Variants in IMMP2L observed in about 807,000 individuals in gnomAD.
IMMP2L encodes mitochondrial inner membrane protease subunit 2.
A neutral mutation model predicts 19.3 loss-of-function variants in IMMP2L; 18 were observed. That is an observed-to-expected ratio of 0.93 (90% CI 0.64 to 1.38). IMMP2L has a LOEUF of 1.38. Ranked by LOEUF, IMMP2L falls within the 40% of genes most tolerant of loss-of-function variation. The pLI is 0.00. For missense variants in IMMP2L, 233 were observed against 218.2 expected (o/e 1.07, Z -0.43); for synonymous variants, 76 against 73.0 (o/e 1.04, Z -0.21).
At chr7:111,321,615 A>G (rs1824729472) in intron 3 of IMMP2L, among the ~76,000 whole-genome samples, 1 of 152,002 alleles carries the variant, frequency 6.6e-6, no homozygotes, top group African/African-American at 2.4e-5. Flanking sequence ...TTAACTGCAA[A>G]TCAAAATTTT....
intron 5 of IMMP2L, among the ~76,000 whole-genome samples, chr7:110,735,328 C>T (rs1305707935): frequency 3.3e-5 from 5 of 152,074 alleles, no homozygotes; most frequent in Non-Finnish European, 7.4e-5. Flanking sequence ...TTTTCCAGGA[C>T]CCCTCTCTGT....
rs1439607268 is a variant in IMMP2L at position 110,727,952 on chromosome 7, T to C, written c.409-64231A>G. 3.3e-5 allele frequency among the ~76,000 whole-genome samples: 5 copies of C among 152,202 alleles called. No homozygotes were observed. In the East Asian group the frequency reaches 9.6e-4, roughly 29 times the overall value. The stretch of plus-strand genomic sequence containing the variant: ...GCTCTGCATTGCATACCCACACACA[T>C]GTAATTCTGCTCACTTCTGTTAACA... On this transcript the variant is annotated intron_variant, in intron 5 of 5. Transcript: ENST00000405709. The surrounding 1 kb of genome is among the most constrained non-coding windows in gnomAD (Gnocchi z 4.3).
intron 4 of IMMP2L, among the ~76,000 whole-genome samples, chr7:110,935,718 C>T (rs1816026889): frequency 6.6e-6 from 1 of 151,962 alleles, no homozygotes; most frequent in Non-Finnish European, 1.5e-5. Context: ...TCATATGGAA[C>T]CAAAAAGGGC....
At position 111,048,238 on chromosome 7, in the gene IMMP2L, CAAAAAAAAAAAAA is replaced by C. The variant is rs575701337; in HGVS notation, c.240-84686_240-84674del. On this transcript the variant is annotated intron_variant, in intron 3 of 5. Transcript: ENST00000405709. ...TGGGCGACAGAGCGAGACTCTGTCTCAAAAAAAAAAAAAAAAAAAAAAAAAAAGAAAAAAAGAA... is the reference window on the plus strand; with the variant it reads ...TGGGCGACAGAGCGAGACTCTGTCTCAAAAAAAAAAAAAAGAAAAAAAGAA... 1.6e-4 allele frequency among the ~76,000 whole-genome samples: 3 copies of C among 18,354 alleles called. 1 individual carries two copies. The highest frequency in any genetic ancestry group is 2.4e-4 in the African/African-American group (2 of 8,376). The allele number at this position is 18,354 out of a possible 152,430, so 12.0% of individuals were successfully genotyped here. A position where few individuals can be genotyped will look rare whatever the true frequency, so the allele number is the denominator to read the frequency against.
chr7:111,555,296 A>C (rs2133134875), intron 1 of IMMP2L, among the ~76,000 whole-genome samples: 1 of 152,264 alleles, frequency 6.6e-6, no homozygotes, highest in East Asian at 1.9e-4. Flanking sequence ...AATGTATGCA[A>C]AAGGGCCAGA....
chr7:111,365,092 A>G (rs1285131062), intron 3 of IMMP2L, among the ~76,000 whole-genome samples: 1 of 152,142 alleles, frequency 6.6e-6, no homozygotes, highest in East Asian at 1.9e-4. Context: ...ATACCTTAAG[A>G]AATAAGATAA....
rs547982415 is a variant in IMMP2L at position 111,123,979 on chromosome 7, C to A, written c.240-160414G>T. On this transcript the variant is annotated intron_variant, in intron 3 of 5. Coordinates refer to ENST00000405709, the MANE Select transcript of IMMP2L (RefSeq NM_032549.4). The surrounding 1 kb of genome is among the most constrained non-coding windows in gnomAD (Gnocchi z 6.4). ...GTTTTGCGTGGACCCACCTGAATTC[C>A]AAGGTCAGAATGTTCGGCAAGTGCA... is the stretch of plus-strand genomic sequence containing the variant. 3.7e-6 allele frequency: 6 copies of A among 1,613,956 alleles called. No homozygotes were observed. Among genetic ancestry groups the A allele is most frequent in the Non-Finnish European group, 5.1e-6 (6 of 1,179,960 alleles).
chr7:111,083,203 G>A (rs1376012597), intron 3 of IMMP2L, among the ~76,000 whole-genome samples: 1 of 152,080 alleles, frequency 6.6e-6, no homozygotes, highest in Non-Finnish European at 1.5e-5. Context: ...TAATACAATT[G>A]TCATTCATCT....
rs71151831 is a variant in IMMP2L, at chr7:111,114,133, TAC to T, written c.240-150570_240-150569del. Among the ~76,000 whole-genome samples, 1,395 of 146,068 alleles carry T rather than the reference TAC, an allele frequency of 9.6e-3. 4 individuals carry two copies. Among genetic ancestry groups the T allele is most frequent in the African/African-American group, 0.018 (725 of 40,154 alleles). ...CTCAACATACACATACACATAAATC[TAC>T]ACACACACACACACACACACACACA... is the stretch of plus-strand genomic sequence containing the variant. On this transcript the variant is annotated intron_variant, in intron 3 of 5. Coordinates refer to ENST00000405709, the MANE Select transcript of IMMP2L (RefSeq NM_032549.4).
chr7:111,159,718 AGG>A (rs1223206215), intron 3 of IMMP2L, among the ~76,000 whole-genome samples: 1 of 152,172 alleles, frequency 6.6e-6, no homozygotes, highest in East Asian at 1.9e-4. Context: ...CAGAAACATC[AGG>A]TGAGTCATAT....
chr7:111,005,551 G>A (rs1824197959), intron 3 of IMMP2L, among the ~76,000 whole-genome samples: 1 of 152,128 alleles, frequency 6.6e-6, no homozygotes, highest in Non-Finnish European at 1.5e-5. Context: ...TTGATCTCAT[G>A]CAATCAGAAT....
At chr7:111,283,707 C>G (rs1487792008) in intron 3 of IMMP2L, among the ~76,000 whole-genome samples, 3 of 152,058 alleles carry the variant, frequency 2.0e-5, no homozygotes, top group African/African-American at 4.8e-5. Flanking sequence ...CGCGGTGGCT[C>G]ACGCCTGTAA....
chr7:110,880,318 G>A (rs1231170297), intron 5 of IMMP2L, among the ~76,000 whole-genome samples: 3 of 151,930 alleles, frequency 2.0e-5, no homozygotes, highest in Non-Finnish European at 4.4e-5. Context: ...ATAAGATACT[G>A]ACACAGAGCA....
At chr7:111,053,296 C>T (rs1200837472) in intron 3 of IMMP2L, among the ~76,000 whole-genome samples, 1 of 152,210 alleles carries the variant, frequency 6.6e-6, no homozygotes, top group Admixed American at 6.5e-5. Flanking sequence ...GGGCTGTCCA[C>T]ATGTGCAGTG....
At chr7:111,479,859 A>T (rs1842029441) in intron 3 of IMMP2L, among the ~76,000 whole-genome samples, 1 of 152,116 alleles carries the variant, frequency 6.6e-6, no homozygotes, top group Admixed American at 6.5e-5. Context: ...AAAGGATATA[A>T]AATTTATAAA....
intron 3 of IMMP2L, among the ~76,000 whole-genome samples, chr7:111,054,422 A>G (rs957467583): frequency 2.0e-5 from 3 of 152,222 alleles, no homozygotes; most frequent in African/African-American, 7.2e-5. Flanking sequence ...AAATGGCCCA[A>G]TTAAACCATT....
rs1430128205 is a variant in IMMP2L, at chr7:110,760,143, T to C, written c.409-96422A>G. On this transcript the variant is annotated intron_variant, in intron 5 of 5. Transcript: ENST00000405709. This position sits in a 1 kb window ranked among gnomAD's most constrained non-coding sequence, Gnocchi z 4.2. ...TTATTATCTACTTATCAGCCTTGGG[T>C]TGAGAATTCACTTGCTTTTGTGCCA... 1.3e-5 allele frequency among the ~76,000 whole-genome samples: 2 copies of C among 152,100 alleles called. No individual in the cohort carries two copies. Among genetic ancestry groups the C allele is most frequent in the East Asian group, 1.9e-4 (1 of 5,174 alleles).
At chr7:111,298,370 G>A (rs1475126016) in intron 3 of IMMP2L, among the ~76,000 whole-genome samples, 1 of 152,122 alleles carries the variant, frequency 6.6e-6, no homozygotes, top group African/African-American at 2.4e-5. Flanking sequence ...GTTCTTGGGA[G>A]GATCCGATAA....
At position 110,894,093 on chromosome 7, in the gene IMMP2L, G is replaced by A. The variant is rs150392064; in HGVS notation, c.306-7398C>T. On this transcript the variant is annotated intron_variant, in intron 4 of 5. Transcript: ENST00000405709. ...TGGTGCCAACCAGACCACCTGACAG[G>A]TAAGACATCCGAAGACCCCGTACCT... Among the ~76,000 whole-genome samples, 531 of 152,064 alleles carry A rather than the reference G, an allele frequency of 3.5e-3. 2 individuals carry two copies. Among genetic ancestry groups the A allele is most frequent in the African/African-American group, 0.012 (513 of 41,488 alleles).
Sources: gnomAD v4.1 joint callset for allele counts (sites outside exome capture counted in the v4.1 genomes callset) on GRCh38, gnomAD v4.1.1 for gene constraint, Gnocchi (gnomAD v3.1) non-coding constraint, MANE v1.5 for transcripts, NCBI Gene and HGNC (gene_info 2026-07-23, HGNC 2026-07-21) for gene names.